Variants in SAMD12 observed in about 807,000 individuals in gnomAD.
SAMD12 encodes sterile alpha motif domain-containing protein 12.
SAMD12 carries 9 observed loss-of-function variants against 15.0 expected under a neutral mutation model. The ratio of observed to expected loss-of-function variants is 0.60; its 90% CI spans 0.36 to 1.05. The LOEUF is 1.05. Among genes scored for constraint, SAMD12 ranks in the 50% least tolerant of loss-of-function variants. The pLI is 0.01. For synonymous variants in SAMD12, 86 were observed against 90.1 expected, an observed-to-expected ratio of 0.96 and a Z score of 0.25; for missense variants, 230 against 234.2, an observed-to-expected ratio of 0.98 and a Z score of 0.12.
chr8:118,182,040 G>T, the SAMD12 span, among the ~76,000 whole-genome samples: 3,777 of 152,196 alleles, frequency 0.025, 67 homozygotes, highest in Middle Eastern at 0.051. Flanking sequence ...CCACTTGGCC[G>T]CAGTAGTCTC....
intron 4 of SAMD12, among the ~76,000 whole-genome samples, chr8:118,250,094 C>T (rs1267637805): frequency 1.3e-5 from 2 of 152,074 alleles, no homozygotes; most frequent in East Asian, 3.9e-4. Flanking sequence ...GCCAGTCAGG[C>T]TAATTAGGAA....
chr8:118,488,866 T>C (rs1261335299), intron 2 of SAMD12, among the ~76,000 whole-genome samples: 1 of 152,222 alleles, frequency 6.6e-6, no homozygotes, highest in Non-Finnish European at 1.5e-5. Flanking sequence ...CTTGGGTAAA[T>C]ACCTAGGAGC....
In SAMD12 at chr8:118,564,237, A is replaced by G. The variant is rs757908274; in HGVS notation, c.192+16478T>C. Among the ~76,000 whole-genome samples the G allele has an allele frequency of 8.8e-5, 13 of 148,316 alleles. No homozygotes were observed. In the East Asian group the frequency reaches 1.2e-3, roughly 14 times the overall value. ...CCGACTCCTCAACACACACACATAC[A>G]CTAATGGCGCTGGTAAAACAATATT... On this transcript the variant is annotated intron_variant, in intron 2 of 3. Coordinates refer to ENST00000314727, the MANE Select transcript of SAMD12 (RefSeq NM_207506.3).
intron 4 of SAMD12, among the ~76,000 whole-genome samples, chr8:118,348,117 C>T (rs994203113): frequency 5.3e-5 from 8 of 152,158 alleles, no homozygotes; most frequent in African/African-American, 1.9e-4. Context: ...CAATCTGTGG[C>T]CCAGGCTGGA....
chr8:118,446,573 C>A (rs1013677796), intron 2 of SAMD12, among the ~76,000 whole-genome samples: 1 of 152,092 alleles, frequency 6.6e-6, no homozygotes, highest in African/African-American at 2.4e-5. Context: ...GATCTAGATT[C>A]AGCACTTTCC....
At chr8:118,194,917 C>T (rs898002293) in exon 5 of SAMD12, 4 of 152,094 alleles carry the variant, frequency 2.6e-5, no homozygotes, top group Admixed American at 1.3e-4. Flanking sequence ...AAACTATCCC[C>T]CACAATGATT....
At chr8:118,500,067 CTTTTTT>C (rs563321387) in intron 2 of SAMD12, among the ~76,000 whole-genome samples, 9 of 72,572 alleles carry the variant, frequency 1.2e-4, no homozygotes, top group African/African-American at 2.8e-4. Context: ...TGAGTTTTGC[CTTTTTT>C]TTTTTTTTTT....
At chr8:118,395,839 T>A (rs1427763217) in intron 3 of SAMD12, among the ~76,000 whole-genome samples, 1 of 151,062 alleles carries the variant, frequency 6.6e-6, no homozygotes, top group Non-Finnish European at 1.5e-5. Flanking sequence ...GCGCCTGTAG[T>A]CCCAGCTACT....
At chr8:118,436,897 T>C (rs1428017635) in intron 3 of SAMD12, among the ~76,000 whole-genome samples, 1 of 152,210 alleles carries the variant, frequency 6.6e-6, no homozygotes, top group Non-Finnish European at 1.5e-5. Context: ...ATGAGGTAGA[T>C]ACTATTAGCA....
At chr8:118,428,953 T>G (rs959969006) in intron 3 of SAMD12, among the ~76,000 whole-genome samples, 2 of 152,212 alleles carry the variant, frequency 1.3e-5, no homozygotes, top group African/African-American at 4.8e-5. Flanking sequence ...AATTTCAGAA[T>G]CAATGTGTTC....
chr8:118,614,256 T>C (rs1784020446), intron 1 of SAMD12, among the ~76,000 whole-genome samples: 1 of 152,186 alleles, frequency 6.6e-6, no homozygotes, highest in Non-Finnish European at 1.5e-5. Flanking sequence ...ACAAACCAGG[T>C]CTTAAGAGCT....
intron 3 of SAMD12, among the ~76,000 whole-genome samples, chr8:118,418,190 G>A (rs774662762): frequency 3.9e-5 from 6 of 152,120 alleles, no homozygotes; most frequent in Non-Finnish European, 8.8e-5. Context: ...AAACTATGAA[G>A]TTTCAAAGCA....
intron 4 of SAMD12, chr8:118,291,475 T>C (rs1814360667): frequency 6.6e-6 from 1 of 152,132 alleles, no homozygotes; most frequent in Non-Finnish European, 1.5e-5. Context: ...TCAGTAATCA[T>C]TGTCCTTGGG....
intron 2 of SAMD12, among the ~76,000 whole-genome samples, chr8:118,468,920 A>T (rs2130956747): frequency 6.6e-6 from 1 of 152,336 alleles, no homozygotes; most frequent in Middle Eastern, 3.4e-3. Context: ...AAAAGTATTA[A>T]GTTGCAGTGA....
At chr8:118,390,849 T>C (rs912535491) in intron 3 of SAMD12, among the ~76,000 whole-genome samples, 14 of 151,648 alleles carry the variant, frequency 9.2e-5, no homozygotes, top group African/African-American at 3.4e-4. Context: ...GGGAACTCTA[T>C]ATTGATTTTT....
At chr8:118,275,472 A>G (rs887488929) in intron 4 of SAMD12, among the ~76,000 whole-genome samples, 1 of 152,142 alleles carries the variant, frequency 6.6e-6, no homozygotes, top group Non-Finnish European at 1.5e-5. Context: ...CTCTTTTTCT[A>G]TTATCTAAAA....
intron 3 of SAMD12, among the ~76,000 whole-genome samples, chr8:118,437,573 A>C (rs527591588): frequency 6.6e-6 from 1 of 152,180 alleles, no homozygotes; most frequent in Non-Finnish European, 1.5e-5. Flanking sequence ...TGAGCCAGGT[A>C]CTATTTTCTT....
chr8:118,610,277 G>C (rs1345753811), intron 1 of SAMD12, among the ~76,000 whole-genome samples: 1 of 152,110 alleles, frequency 6.6e-6, no homozygotes, highest in Non-Finnish European at 1.5e-5. Flanking sequence ...CCATTGCAGA[G>C]CCCAATTAAG....
intron 3 of SAMD12, among the ~76,000 whole-genome samples, chr8:118,408,582 T>C (rs1166469565): frequency 5.9e-5 from 9 of 152,216 alleles, no homozygotes; most frequent in South Asian, 2.1e-4. Context: ...TGTTTTGTTT[T>C]AGCAACTCTA....
Sources: allele counts gnomAD v4.1 joint callset (sites outside exome capture counted in the v4.1 genomes callset), GRCh38; gene constraint gnomAD v4.1.1; transcripts MANE v1.5; gene names NCBI Gene and HGNC (gene_info 2026-07-23, HGNC 2026-07-21).